DENND2A: variants seen among roughly 807,000 people sequenced by gnomAD.
DENND2A encodes the protein DENN domain containing 2A.
In DENND2A, 53 loss-of-function variants were observed where a neutral mutation model predicts 105.3. That is an observed-to-expected ratio of 0.50 (90% CI 0.40 to 0.63). The LOEUF is 0.63. Ranked by LOEUF, DENND2A falls within the 30% of genes least tolerant of loss-of-function variation. The pLI, the probability that DENND2A is intolerant of heterozygous loss-of-function variation, is 0.00. For synonymous variants in DENND2A, 522 were observed against 508.4 expected, an observed-to-expected ratio of 1.03 and a Z score of -0.36; for missense variants, 1,138 against 1,279.6, an observed-to-expected ratio of 0.89 and a Z score of 1.69.
chr7:140,598,451 G>A (rs560825288), intron 3 of DENND2A, among the ~76,000 whole-genome samples: 2 of 152,194 alleles, frequency 1.3e-5, no homozygotes, highest in Non-Finnish European at 2.9e-5. Flanking sequence ...ACACTGTTCG[G>A]AAGTCTCAGC....
intron 14 of DENND2A, among the ~76,000 whole-genome samples, chr7:140,542,814 C>T (rs2130515874): frequency 6.6e-6 from 1 of 152,248 alleles, no homozygotes; most frequent in Middle Eastern, 3.4e-3. Flanking sequence ...GATCCACCTG[C>T]CTCGGCCTCC....
At chr7:140,626,969 A>C (rs1203147836) in intron 1 of DENND2A, among the ~76,000 whole-genome samples, 1 of 152,212 alleles carries the variant, frequency 6.6e-6, no homozygotes, top group Admixed American at 6.5e-5. Flanking sequence ...ACCTCGATCA[A>C]GATACATTTC....
At chr7:140,549,833 G>A (rs972393970) in intron 12 of DENND2A, among the ~76,000 whole-genome samples, 3 of 152,028 alleles carry the variant, frequency 2.0e-5, no homozygotes, top group South Asian at 2.1e-4. Context: ...TGGCCACAAC[G>A]TGGAAACAAC....
intron 14 of DENND2A, among the ~76,000 whole-genome samples, chr7:140,535,917 C>T (rs1300522125): frequency 6.6e-6 from 1 of 152,108 alleles, no homozygotes; most frequent in Non-Finnish European, 1.5e-5. Context: ...ACGATGAACC[C>T]AGAAGAGAGA....
At chr7:140,619,503 T>G (rs1489372390) in intron 1 of DENND2A, among the ~76,000 whole-genome samples, 1 of 151,696 alleles carries the variant, frequency 6.6e-6, no homozygotes, top group Non-Finnish European at 1.5e-5. Flanking sequence ...CTCTGCACTT[T>G]TTTTTTTTTT....
intron 1 of DENND2A, among the ~76,000 whole-genome samples, chr7:140,633,195 A>AT (rs1400579425): frequency 6.6e-6 from 1 of 151,918 alleles, no homozygotes; most frequent in African/African-American, 2.4e-5. Context: ...TGCCCGACTA[A>AT]TTTTTTGTAT....
intron 12 of DENND2A, among the ~76,000 whole-genome samples, chr7:140,555,090 A>G (rs4571657): frequency 0.92 from 138,662 of 151,270 alleles, 63,609 homozygotes; most frequent in East Asian, 0.99. Context: ...TTATCTTGCC[A>G]TCCCTGCACC....
At chr7:140,625,382 A>AG (rs1800481506) in intron 1 of DENND2A, among the ~76,000 whole-genome samples, 1 of 149,578 alleles carries the variant, frequency 6.7e-6, no homozygotes, top group South Asian at 2.1e-4. Flanking sequence ...GTTTCAAGAA[A>AG]GAAAAAAAAA....
chr7:140,568,879 A>G, intron 7 of DENND2A, 66 bp from the exon 8 acceptor site: 1 of 1,487,498 alleles, frequency 6.7e-7, no homozygotes, highest in Non-Finnish European at 9.4e-7. Context: ...AACTCTTTCT[A>G]TGTGGTAGCA....
At chr7:140,557,777 A>G (rs113043100) in intron 11 of DENND2A, among the ~76,000 whole-genome samples, 3,656 of 150,484 alleles carry the variant, frequency 0.024, 146 homozygotes, top group African/African-American at 0.084. Context: ...TGACCTCGTG[A>G]TCCGCCCGTC....
Position 140,527,643 on chromosome 7 carries a change from C to T in DENND2A, c.2328-148G>A. 1 of 783,146 alleles carries T rather than the reference C, an allele frequency of 1.3e-6. No homozygotes were observed. The highest frequency in any genetic ancestry group is 2.0e-6 in the Non-Finnish European group (1 of 507,796). 48.5% of individuals were successfully genotyped at this position (783,146 alleles called of 1,614,324 possible). A position where few individuals can be genotyped will look rare whatever the true frequency, so the allele number is the denominator to read the frequency against. On this transcript the variant is annotated intron_variant, in intron 14 of 19. Coordinates refer to ENST00000496613, the MANE Select transcript of DENND2A (RefSeq NM_015689.5). The surrounding 1 kb of genome is among the most constrained non-coding windows in gnomAD (Gnocchi z 4.9). ...GGTGGAGCACATGATGGTCTCAGCA[C>T]AGGCCACACCAGGCACTTAGAGCCT...
rs190346815 is a variant in DENND2A at position 140,575,456 on chromosome 7, C to T, written c.1246-1448G>A. Among the ~76,000 whole-genome samples, 18 of 152,216 alleles carry T rather than the reference C, an allele frequency of 1.2e-4. No individual in the cohort carries two copies. In the East Asian group the frequency reaches 1.9e-3, roughly 16 times the overall value. On this transcript the variant is annotated intron_variant, in intron 5 of 19. Transcript: ENST00000496613. Reference sequence around the variant, plus strand: ...TTATGATGCATATAGCTTCAGACCCCGCAATTCCACCTCTAGGAATTTACT... The same window carrying T: ...TTATGATGCATATAGCTTCAGACCCTGCAATTCCACCTCTAGGAATTTACT...
intron 3 of DENND2A, among the ~76,000 whole-genome samples, chr7:140,596,028 G>A (rs1223283902): frequency 6.6e-6 from 1 of 152,142 alleles, no homozygotes; most frequent in African/African-American, 2.4e-5. Context: ...CTTGCATTCT[G>A]TTATCGGGTA....
intron 1 of DENND2A, among the ~76,000 whole-genome samples, chr7:140,629,249 C>T (rs947755297): frequency 2.0e-5 from 3 of 152,138 alleles, no homozygotes; most frequent in African/African-American, 7.2e-5. Flanking sequence ...TACATTCGAA[C>T]ACGGTGGCAA....
At chr7:140,565,886 A>G (rs1797816219) in intron 9 of DENND2A, among the ~76,000 whole-genome samples, 1 of 152,184 alleles carries the variant, frequency 6.6e-6, no homozygotes, top group African/African-American at 2.4e-5. Context: ...GGTAGTCCTC[A>G]CTGCTACACT....
In DENND2A at chr7:140,523,065, G is replaced by A. The variant is rs943230306; in HGVS notation, c.2665+242C>T. Among the ~76,000 whole-genome samples, 1 of 152,082 alleles carries A rather than the reference G, an allele frequency of 6.6e-6. No homozygotes were observed. The highest frequency in any genetic ancestry group is 2.4e-5 in the African/African-American group (1 of 41,400). On this transcript the variant is annotated intron_variant, in intron 17 of 19. Coordinates refer to ENST00000496613, the MANE Select transcript of DENND2A (RefSeq NM_015689.5). This position sits in a 1 kb window ranked among gnomAD's most constrained non-coding sequence, Gnocchi z 4.5. ...TGGGACCACAGGCATGTGCCACCAT[G>A]CCCAGATAATTTCCACGCCCCCCTT...
intron 14 of DENND2A, among the ~76,000 whole-genome samples, chr7:140,530,937 G>T (rs558115126): frequency 6.6e-6 from 1 of 152,222 alleles, no homozygotes; most frequent in South Asian, 2.1e-4. Flanking sequence ...TCACCACGTT[G>T]GTCAGGCTGG....
At chr7:140,584,236 C>T (rs981672725) in intron 5 of DENND2A, among the ~76,000 whole-genome samples, 2 of 152,086 alleles carry the variant, frequency 1.3e-5, no homozygotes, top group African/African-American at 4.8e-5. Context: ...AGCAAGACTC[C>T]GTCTCAAAAA....
intron 14 of DENND2A, among the ~76,000 whole-genome samples, chr7:140,540,013 G>C (rs765569190): frequency 2.0e-5 from 3 of 152,240 alleles, no homozygotes; most frequent in Non-Finnish European, 4.4e-5. Flanking sequence ...TATGAACGAG[G>C]AGACCCAGGG....
Sources: gnomAD v4.1 joint callset for allele counts (sites outside exome capture counted in the v4.1 genomes callset) on GRCh38, gnomAD v4.1.1 for gene constraint, Gnocchi (gnomAD v3.1) non-coding constraint, MANE v1.5 for transcripts, NCBI Gene and HGNC (gene_info 2026-07-23, HGNC 2026-07-21) for gene names.